ADAMTS17: variants seen among roughly 807,000 people sequenced by gnomAD.
The protein encoded by ADAMTS17 is A disintegrin and metalloproteinase with thrombospondin motifs 17.
In ADAMTS17, 113 loss-of-function variants were observed where a neutral mutation model predicts 141.5. The observed-to-expected ratio is 0.80, with a 90% CI of 0.69 to 0.93. ADAMTS17 has a LOEUF of 0.93. Ranked by LOEUF, ADAMTS17 falls within the 40% of genes least tolerant of loss-of-function variation. ADAMTS17 has a pLI of 0.00. For missense variants in ADAMTS17, 1,659 were observed against 1,517.9 expected (o/e 1.09, Z -1.54); for synonymous variants, 768 against 630.6 (o/e 1.22, Z -3.27).
chr15:100,306,459 G>A (rs1037292305), intron 3 of ADAMTS17: 17 of 455,862 alleles, frequency 3.7e-5, no homozygotes, highest in Admixed American at 1.6e-4. Context: ...GACGCTCCAC[G>A]TTGTTGTCCT....
intron 15 of ADAMTS17, among the ~76,000 whole-genome samples, chr15:100,060,700 G>A (rs1462205059): frequency 2.6e-5 from 4 of 152,202 alleles, no homozygotes; most frequent in Non-Finnish European, 4.4e-5. Context: ...ATTTCCACTC[G>A]GAGTTCTGCC....
Position 100,086,500 on chromosome 15 carries a change from T to C in ADAMTS17, c.2137+9856A>G, listed in dbSNP as rs145154299. Among the ~76,000 whole-genome samples, 447 of 152,224 alleles carry C rather than the reference T, an allele frequency of 2.9e-3. 7 individuals are homozygous for C. The East Asian group carries it at 0.046, about 16-fold the overall frequency. On this transcript the variant is annotated intron_variant, in intron 15 of 21. Transcript: ENST00000268070. The stretch of plus-strand genomic sequence containing the variant: ...TCAGCTCTGCACCAAGCAGACCTAA[T>C]AGACATCTATAGAACTCTCCACCCC...
chr15:100,193,777 G>A (rs1284137867), intron 8 of ADAMTS17, among the ~76,000 whole-genome samples: 1 of 152,194 alleles, frequency 6.6e-6, no homozygotes, highest in Non-Finnish European at 1.5e-5. Flanking sequence ...CCCCACTACA[G>A]GAGAGGTCAA....
intron 12 of ADAMTS17, among the ~76,000 whole-genome samples, chr15:100,120,637 C>T (rs965441862): frequency 1.3e-5 from 2 of 152,202 alleles, no homozygotes; most frequent in African/African-American, 4.8e-5. Flanking sequence ...GGAAAAGATA[C>T]AGGTTCAAAA....
intron 2 of ADAMTS17, among the ~76,000 whole-genome samples, chr15:100,333,798 A>C (rs1433134075): frequency 6.6e-6 from 1 of 152,226 alleles, no homozygotes; most frequent in African/African-American, 2.4e-5. Context: ...ATGAAGAAAC[A>C]CTAGCTATGA....
At chr15:99,988,154 G>C (rs185619914) in intron 20 of ADAMTS17, among the ~76,000 whole-genome samples, 1 of 152,150 alleles carries the variant, frequency 6.6e-6, no homozygotes, top group African/African-American at 2.4e-5. Flanking sequence ...TACAGTTTGG[G>C]TGTTTGTCCC....
intron 3 of ADAMTS17, among the ~76,000 whole-genome samples, chr15:100,311,346 C>T (rs58042270): frequency 0.013 from 1,936 of 152,376 alleles, 32 homozygotes; most frequent in African/African-American, 0.044. Flanking sequence ...CTCACTCAGC[C>T]GCCTGGCCCA....
chr15:100,123,752 G>A (rs2037572498), intron 12 of ADAMTS17, among the ~76,000 whole-genome samples: 1 of 152,158 alleles, frequency 6.6e-6, no homozygotes, highest in Non-Finnish European at 1.5e-5. Context: ...CCGCTTGGCT[G>A]ACGAGCAAGA....
At chr15:100,077,706 A>G (rs928488936) in intron 15 of ADAMTS17, among the ~76,000 whole-genome samples, 3 of 152,192 alleles carry the variant, frequency 2.0e-5, no homozygotes, top group African/African-American at 7.2e-5. Context: ...AAGATAAGGA[A>G]CAAGACAAGG....
chr15:100,234,615 T>C (rs947857769), intron 7 of ADAMTS17, among the ~76,000 whole-genome samples: 3 of 152,218 alleles, frequency 2.0e-5, no homozygotes, highest in African/African-American at 7.2e-5. Flanking sequence ...TTGCTTCCTC[T>C]TCTAGGATGA....
intron 7 of ADAMTS17, among the ~76,000 whole-genome samples, chr15:100,223,517 C>T (rs1303820640): frequency 6.6e-6 from 1 of 151,902 alleles, no homozygotes; most frequent in Non-Finnish European, 1.5e-5. Context: ...TATTGCCTTC[C>T]CAGGAAGCCA....
chr15:100,210,916 A>G (rs1440618612), intron 7 of ADAMTS17, among the ~76,000 whole-genome samples: 1 of 152,110 alleles, frequency 6.6e-6, no homozygotes, highest in Non-Finnish European at 1.5e-5. Context: ...CCTGGCTAAC[A>G]TGGTGAAACC....
intron 6 of ADAMTS17, chr15:100,256,866 C>T (rs1050230322): frequency 1.3e-5 from 2 of 152,428 alleles, no homozygotes; most frequent in African/African-American, 4.8e-5. Context: ...TAAGCCCTGG[C>T]TTCTGTGTGG....
chr15:100,280,379 T>C (rs1452450053), intron 4 of ADAMTS17, among the ~76,000 whole-genome samples: 3 of 151,974 alleles, frequency 2.0e-5, no homozygotes, highest in African/African-American at 7.2e-5. Flanking sequence ...CCCTCCTCCA[T>C]TCCCACTCCA....
At chr15:100,279,870 T>C (rs1444967744) in intron 4 of ADAMTS17, among the ~76,000 whole-genome samples, 1 of 152,118 alleles carries the variant, frequency 6.6e-6, no homozygotes, top group Non-Finnish European at 1.5e-5. Context: ...TTTCAGTTTG[T>C]CCTCATCAAG....
At chr15:100,194,265 C>G (rs762206230) in intron 8 of ADAMTS17, among the ~76,000 whole-genome samples, 1 of 152,106 alleles carries the variant, frequency 6.6e-6, no homozygotes, top group Non-Finnish European at 1.5e-5. Context: ...AGGCCCAGAA[C>G]GACTAGTGGA....
chr15:100,130,833 G>T (rs562249150), intron 12 of ADAMTS17, among the ~76,000 whole-genome samples: 1 of 152,128 alleles, frequency 6.6e-6, no homozygotes, highest in African/African-American at 2.4e-5. Flanking sequence ...TAAGAAATGG[G>T]AAGCTTCATT....
At chr15:100,011,987 G>C (rs993497067) in intron 18 of ADAMTS17, among the ~76,000 whole-genome samples, 5 of 152,186 alleles carry the variant, frequency 3.3e-5, no homozygotes, top group African/African-American at 9.7e-5. Flanking sequence ...CATAGTGGCT[G>C]TACTAGTTTA....
In ADAMTS17 at chr15:100,058,262, T is replaced by TTAACACCCCTATCCC. The variant is rs1567101895; in HGVS notation, c.2138-4209_2138-4208insGGGATAGGGGTGTTA. Among the ~76,000 whole-genome samples, 72 of 18,662 alleles carry TTAACACCCCTATCCC rather than the reference T, an allele frequency of 3.9e-3. 17 individuals are homozygous for TTAACACCCCTATCCC. Among genetic ancestry groups the TTAACACCCCTATCCC allele is most frequent in the South Asian group, 5.1e-3 (3 of 590 alleles). 12.2% of individuals were successfully genotyped at this position (18,662 alleles called of 152,430 possible). ...AGCTCTGACCCTCCTATCCCGGCTC[T>TTAACACCCCTATCCC]GACACCCCTATCCCGGCTCTAACCC... On this transcript the variant is annotated intron_variant, in intron 15 of 21. Coordinates refer to ENST00000268070, the MANE Select transcript of ADAMTS17 (RefSeq NM_139057.4).
Sources: allele counts gnomAD v4.1 joint callset (sites outside exome capture counted in the v4.1 genomes callset), GRCh38; gene constraint gnomAD v4.1.1; transcripts MANE v1.5; gene names NCBI Gene and HGNC (gene_info 2026-07-23, HGNC 2026-07-21).